The following SEMA3E variants were observed in gnomAD, a reference collection of about 807,000 sequenced individuals.
The protein encoded by SEMA3E is semaphorin 3E, also known as semaphorin-3E.
SEMA3E carries 49 observed loss-of-function variants against 93.6 expected under a neutral mutation model. The ratio of observed to expected loss-of-function variants is 0.52; its 90% CI spans 0.42 to 0.66. The LOEUF (loss-of-function observed/expected upper bound fraction) is 0.66. Among genes scored for constraint, SEMA3E ranks in the 30% least tolerant of loss-of-function variants. SEMA3E has a pLI of 0.00. For missense variants in SEMA3E, 906 were observed against 964.8 expected, an observed-to-expected ratio of 0.94 and a Z score of 0.81; for synonymous variants, 363 against 330.7, an observed-to-expected ratio of 1.10 and a Z score of -1.06.
intron 13 of SEMA3E, among the ~76,000 whole-genome samples, chr7:83,393,971 T>C (rs1788068101): frequency 6.6e-6 from 1 of 152,152 alleles, no homozygotes; most frequent in Non-Finnish European, 1.5e-5. Context: ...TGAAAACAAG[T>C]ATCAAATGTA....
intron 1 of SEMA3E, among the ~76,000 whole-genome samples, chr7:83,635,060 C>T (rs765459961): frequency 4.6e-5 from 7 of 152,038 alleles, no homozygotes; most frequent in Admixed American, 1.3e-4. Flanking sequence ...TTCTAGTACT[C>T]ATTCTAACCA....
intron 16 of SEMA3E, among the ~76,000 whole-genome samples, chr7:83,378,095 C>A (rs1262337095): frequency 1.3e-5 from 2 of 151,728 alleles, no homozygotes; most frequent in African/African-American, 2.4e-5. Context: ...GATTTATACA[C>A]CCTTCATAGA....
chr7:83,473,597 T>C (rs1188265314), intron 2 of SEMA3E, among the ~76,000 whole-genome samples: 1 of 152,178 alleles, frequency 6.6e-6, no homozygotes, highest in East Asian at 1.9e-4. Context: ...AAATCTTGCA[T>C]AAAAATCCAT....
At chr7:83,460,923 G>T (rs1056593594) in intron 4 of SEMA3E, among the ~76,000 whole-genome samples, 2 of 151,600 alleles carry the variant, frequency 1.3e-5, no homozygotes, top group Admixed American at 1.3e-4. Flanking sequence ...TTCACTATAG[G>T]CAAGCTTCCA....
intron 1 of SEMA3E, among the ~76,000 whole-genome samples, chr7:83,576,168 A>G (rs1481869958): frequency 6.6e-6 from 1 of 152,234 alleles, no homozygotes. Flanking sequence ...CATAGCCGGC[A>G]TCTTGTTAAA....
chr7:83,634,769 C>A (rs1793849441), intron 1 of SEMA3E, among the ~76,000 whole-genome samples: 1 of 152,060 alleles, frequency 6.6e-6, no homozygotes, highest in East Asian at 1.9e-4. Context: ...TTGGGTGGCT[C>A]ATTAAAGCCA....
At chr7:83,432,005 G>C (rs1463964296) in intron 4 of SEMA3E, among the ~76,000 whole-genome samples, 1 of 149,094 alleles carries the variant, frequency 6.7e-6, no homozygotes, top group African/African-American at 2.5e-5. Flanking sequence ...ATGTTAAGAA[G>C]CTCAAAGCAC....
At chr7:83,493,056 A>G (rs1473012246) in intron 1 of SEMA3E, among the ~76,000 whole-genome samples, 1 of 151,978 alleles carries the variant, frequency 6.6e-6, no homozygotes, top group African/African-American at 2.4e-5. Flanking sequence ...TTCACCTGTT[A>G]ATCACCCTTT....
intron 4 of SEMA3E, among the ~76,000 whole-genome samples, chr7:83,430,982 A>G (rs1788869027): frequency 6.6e-6 from 1 of 152,192 alleles, no homozygotes; most frequent in Non-Finnish European, 1.5e-5. Flanking sequence ...GTTGAACAAA[A>G]TAGAAAAGGA....
chr7:83,558,264 ATTGCT>A (rs1259678654), intron 1 of SEMA3E, among the ~76,000 whole-genome samples: 1 of 152,170 alleles, frequency 6.6e-6, no homozygotes, highest in Non-Finnish European at 1.5e-5. Flanking sequence ...GTTCTGCCAC[ATTGCT>A]GTGAGCAATG....
intron 5 of SEMA3E, among the ~76,000 whole-genome samples, chr7:83,413,859 T>G (rs1404752050): frequency 6.6e-6 from 1 of 152,170 alleles, no homozygotes; most frequent in Non-Finnish European, 1.5e-5. Flanking sequence ...CCAATGATAT[T>G]GATACCATGA....
chr7:83,553,673 C>T (rs1277497992), intron 1 of SEMA3E, among the ~76,000 whole-genome samples: 2 of 152,002 alleles, frequency 1.3e-5, no homozygotes, highest in African/African-American at 4.8e-5. Flanking sequence ...CTAGGGTTAA[C>T]TAAAAGGTTT....
chr7:83,397,035 C>T (rs1788136771), intron 11 of SEMA3E, among the ~76,000 whole-genome samples: 1 of 149,518 alleles, frequency 6.7e-6, no homozygotes, highest in Non-Finnish European at 1.5e-5. Context: ...TGGGCAAGAT[C>T]ATGACACTGC....
chr7:83,510,212 A>G (rs1032359915), intron 1 of SEMA3E, among the ~76,000 whole-genome samples: 1 of 152,182 alleles, frequency 6.6e-6, no homozygotes, highest in South Asian at 2.1e-4. Context: ...TTTTTAATTA[A>G]GCAAGTGTTT....
At chr7:83,383,169 A>T (rs1419027942) in intron 16 of SEMA3E, among the ~76,000 whole-genome samples, 1 of 151,870 alleles carries the variant, frequency 6.6e-6, no homozygotes, top group Non-Finnish European at 1.5e-5. Context: ...CCCAGGAGGT[A>T]AGAATTAACT....
intron 2 of SEMA3E, 121 bp downstream of exon 2, chr7:83,489,993 T>C (rs1351315783): frequency 6.8e-6 from 6 of 883,464 alleles, no homozygotes; most frequent in Non-Finnish European, 1.1e-5. Flanking sequence ...TAATATTTTA[T>C]TTAAAAAGTA....
chr7:83,610,365 G>T (rs6467953), intron 1 of SEMA3E, among the ~76,000 whole-genome samples: 187 of 152,004 alleles, frequency 1.2e-3, no homozygotes, highest in Admixed American at 3.2e-3. Flanking sequence ...GGACTACTTA[G>T]AATACAGAGT....
At chr7:83,469,601 C>T (rs1404306810) in intron 2 of SEMA3E, among the ~76,000 whole-genome samples, 1 of 152,020 alleles carries the variant, frequency 6.6e-6, no homozygotes, top group Non-Finnish European at 1.5e-5. Context: ...CCATGTTAAA[C>T]CTGAGTGGTG....
At position 83,604,429 on chromosome 7, in the gene SEMA3E, A is replaced by C. The variant is rs112428743; in HGVS notation, c.115+43999T>G. 3.6e-3 allele frequency among the ~76,000 whole-genome samples: 536 copies of C among 150,066 alleles called. 5 individuals are homozygous for C. The highest frequency in any genetic ancestry group is 0.031 in the East Asian group (159 of 5,138). On this transcript the variant is annotated intron_variant, in intron 1 of 16. Transcript: ENST00000643230. ...TAAACTTAAGTGGTTTTCTCTCTCT[A>C]TATATATATGTATATATATCTTGAA...
Sources: allele counts gnomAD v4.1 joint callset (sites outside exome capture counted in the v4.1 genomes callset), GRCh38; gene constraint gnomAD v4.1.1; transcripts MANE v1.5; gene names NCBI Gene and HGNC (gene_info 2026-07-23, HGNC 2026-07-21).